The following ERVV-2 variants were observed in gnomAD, a reference collection of about 807,000 sequenced individuals.
The protein encoded by ERVV-2 is endogenous retrovirus group V member 2 Env polyprotein.
For missense variants in ERVV-2, 291 were observed against 495.1 expected, an observed-to-expected ratio of 0.59 and a Z score of 3.91; for synonymous variants, 105 against 184.6, an observed-to-expected ratio of 0.57 and a Z score of 3.49.
Position 53,050,904 on chromosome 19 carries a change from T to A in ERVV-2, c.*45T>A. The A allele has an allele frequency of 1.4e-6, 2 of 1,457,318 alleles. No individual in the cohort carries two copies. The highest frequency in any genetic ancestry group is 2.8e-5 in the South Asian group (2 of 70,376). 90.3% of individuals were successfully genotyped at this position (1,457,318 alleles called of 1,614,324 possible). A position where few individuals can be genotyped will look rare whatever the true frequency, so the allele number is the denominator to read the frequency against. ...ACCCTGATGACTTCTTCGCCCCATG[T>A]CAGCAGGAAGTAGTTACAGAAGACC... On this transcript the variant is annotated 3_prime_UTR_variant, in exon 2 of 2. Transcript: ENST00000601417.
intron 1 of ERVV-2, among the ~76,000 whole-genome samples, chr19:53,047,220 C>T (rs753506027): frequency 8.6e-5 from 13 of 151,528 alleles, no homozygotes; most frequent in Non-Finnish European, 1.6e-4. Context: ...TGGTGGTGGA[C>T]ACCAGTAATC....
rs1308946954 is a variant in ERVV-2 at position 53,047,177 on chromosome 19, C to T, written c.-385-1690C>T. ...CCATGTCAAAAAAAAAAAGAAACCC[C>T]GTCTCTACTAAAAATACAAAAATAG... On this transcript the variant is annotated intron_variant, in intron 1 of 1. Transcript: ENST00000601417. Among the ~76,000 whole-genome samples the T allele has an allele frequency of 1.7e-4, 25 of 151,384 alleles. 2 individuals carry two copies. The highest frequency in any genetic ancestry group is 7.3e-5 in the African/African-American group (3 of 41,148).
At chr19:53,048,330 G>A (rs576131083) in intron 1 of ERVV-2, among the ~76,000 whole-genome samples, 10 of 150,986 alleles carry the variant, frequency 6.6e-5, no homozygotes, top group Admixed American at 3.3e-4. Flanking sequence ...AGCTGAGATC[G>A]CACCATTGCA....
rs2083910773 is a variant in ERVV-2 at position 53,050,886 on chromosome 19, T to A, written c.*27T>A. On this transcript the variant is annotated 3_prime_UTR_variant, in exon 2 of 2. Transcript: ENST00000601417. ...ACAGAGCAAGAGAGGGAGACCCTGA[T>A]GACTTCTTCGCCCCATGTCAGCAGG... 6.7e-7 allele frequency: 1 copy of A among 1,485,344 alleles called. No individual in the cohort carries two copies. Among genetic ancestry groups the A allele is most frequent in the East Asian group, 2.5e-5 (1 of 40,664 alleles). 92.0% of individuals were successfully genotyped at this position (1,485,344 alleles called of 1,614,324 possible).
rs780858416 is a variant in ERVV-2, at chr19:53,049,779, C to T, written c.528C>T (p.Asp176=). The T allele has an allele frequency of 6.5e-6, 10 of 1,528,422 alleles. No individual in the cohort carries two copies. The South Asian group carries it at 1.1e-4, about 16-fold the overall frequency. The allele number at this position is 1,528,422 out of a possible 1,614,324, so 94.7% of individuals were successfully genotyped here. A position where few individuals can be genotyped will look rare whatever the true frequency, so the allele number is the denominator to read the frequency against. The part of the protein sequence containing the change: ...CPAKQMNDYR[D]KSPQNRCAAW... ...CTAAACAAATGAACGATTATCGAGA[C>T]AAGTCACCCCAAAACCGCTGTGCAG... The change falls in exon 2 of 2, where the codon GAC becomes GAT. Residue 176 remains aspartate, a synonymous_variant. Coordinates refer to ENST00000601417, the MANE Select transcript of ERVV-2 (RefSeq NM_001191055.2).
rs891408093 is a variant in ERVV-2, at chr19:53,051,220, C to T, written c.*361C>T. On this transcript the variant is annotated 3_prime_UTR_variant, in exon 2 of 2. Transcript: ENST00000601417. ...GGAGTACAATGGTGCGATCTCGGCT[C>T]ACTGCACCCTCCACCTCCCAGGTTC... The T allele has an allele frequency of 1.2e-5, 2 of 172,966 alleles. No individual in the cohort carries two copies. The highest frequency in any genetic ancestry group is 5.1e-5 in the African/African-American group (2 of 39,286). 10.7% of individuals were successfully genotyped at this position (172,966 alleles called of 1,614,324 possible). A position where few individuals can be genotyped will look rare whatever the true frequency, so the allele number is the denominator to read the frequency against.
At chr19:53,048,353 A>C (rs1457651366) in intron 1 of ERVV-2, among the ~76,000 whole-genome samples, 8 of 145,976 alleles carry the variant, frequency 5.5e-5, no homozygotes, top group Middle Eastern at 3.9e-3. Flanking sequence ...CCAGCCTGGG[A>C]GACAAGAGCA....
At chr19:53,047,749 CTT>C (rs984880531) in intron 1 of ERVV-2, among the ~76,000 whole-genome samples, 1 of 152,196 alleles carries the variant, frequency 6.6e-6, no homozygotes, top group Non-Finnish European at 1.5e-5. Context: ...TGCATTCTCT[CTT>C]GTCTTGTCTT....
chr19:53,051,552 G>A lies in ERVV-2; in HGVS notation c.*693G>A, dbSNP rs11673461. 0.29 allele frequency among the ~76,000 whole-genome samples: 44,514 copies of A among 151,882 alleles called. 6,525 individuals are homozygous for A. Among genetic ancestry groups the A allele is most frequent in the East Asian group, 0.34 (1,748 of 5,156 alleles). On this transcript the variant is annotated 3_prime_UTR_variant, in exon 2 of 2. Transcript: ENST00000601417. The stretch of plus-strand genomic sequence containing the variant: ...GTAGACACGTCCTTTTGATCAGCCC[G>A]CCCTGTTCTGTCTTTCTGGGTGTAC...
At chr19:53,047,461 T>C (rs909225752) in intron 1 of ERVV-2, among the ~76,000 whole-genome samples, 1 of 152,162 alleles carries the variant, frequency 6.6e-6, no homozygotes, top group Non-Finnish European at 1.5e-5. Flanking sequence ...AGAACTACTC[T>C]CATGGCAGAC....
rs972423594 is a variant in ERVV-2 at position 53,049,175 on chromosome 19, C to T, written c.-77C>T. Reference sequence around the variant, plus strand: ...CCTGATTTCTCACTAAACACTCCATCGAACCACTTCATTATTTGTCTCTCC... The same window carrying T: ...CCTGATTTCTCACTAAACACTCCATTGAACCACTTCATTATTTGTCTCTCC... On this transcript the variant is annotated 5_prime_UTR_variant, in exon 2 of 2. Coordinates refer to ENST00000601417, the MANE Select transcript of ERVV-2 (RefSeq NM_001191055.2). 22 of 1,156,308 alleles carry T rather than the reference C, an allele frequency of 1.9e-5. 2 individuals carry two copies. Among genetic ancestry groups the T allele is most frequent in the South Asian group, 2.8e-5 (2 of 70,426 alleles). 71.6% of individuals were successfully genotyped at this position (1,156,308 alleles called of 1,614,324 possible).
chr19:53,050,821 C>T lies in ERVV-2; in HGVS notation c.1570C>T (p.Gln524Ter), dbSNP rs760240165. Residue 524 changes from glutamine to a stop codon, truncating the protein, a stop_gained, in exon 2 of 2, where the codon CAA (glutamine) becomes TAA (stop). Transcript: ENST00000601417. LOFTEE classifies it high-confidence loss of function. Reference sequence around the variant, plus strand: ...CATCTCCCCCTTGGATGCCAGTGGGCAAAGATTCCGGGAAACTATGGAGGA... The same window carrying T: ...CATCTCCCCCTTGGATGCCAGTGGGTAAAGATTCCGGGAAACTATGGAGGA... ...KHISPLDASG[Q>*]RFRETMEEFS... 1.3e-6 allele frequency: 2 copies of T among 1,534,704 alleles called. No homozygotes were observed. Among genetic ancestry groups the T allele is most frequent in the South Asian group, 1.2e-5 (1 of 83,848 alleles).
At chr19:53,048,155 G>C (rs1242143640) in intron 1 of ERVV-2, among the ~76,000 whole-genome samples, 1 of 152,034 alleles carries the variant, frequency 6.6e-6, no homozygotes, top group African/African-American at 2.4e-5. Context: ...AGGTGACCAG[G>C]CTGGTCAGGA....
rs574205719 is a variant in ERVV-2 at position 53,048,638 on chromosome 19, G to A, written c.-385-229G>A. ...TGCGGTGAGCCGAGATCCCGCCATT[G>A]CACTCCAGCCTGGGCGACAAGAGCA... On this transcript the variant is annotated intron_variant, in intron 1 of 1. Transcript: ENST00000601417. 3.5e-3 allele frequency among the ~76,000 whole-genome samples: 472 copies of A among 133,598 alleles called. 2 individuals carry two copies. The highest frequency in any genetic ancestry group is 0.019 in the South Asian group (81 of 4,246). 87.6% of individuals were successfully genotyped at this position (133,598 alleles called of 152,430 possible).
chr19:53,045,225 A>C (rs955561171), intron 1 of ERVV-2, among the ~76,000 whole-genome samples: 2 of 152,106 alleles, frequency 1.3e-5, no homozygotes, highest in Non-Finnish European at 2.9e-5. Context: ...TCTGAGACAC[A>C]TGGTGACCCT....
In ERVV-2 at chr19:53,050,306, T is replaced by C; in HGVS notation, c.1055T>C (p.Leu352Pro). The change falls in exon 2 of 2, where the codon CTC becomes CCC. Residue 352 changes from leucine (L) to proline (P), a missense_variant. Coordinates refer to ENST00000601417, the MANE Select transcript of ERVV-2 (RefSeq NM_001191055.2). ...FTYHDVTLRN[L>P]SRQIDNIAKS... ...TATCATGATGTCACCCTCAGAAATCTCTCCAGACAAATAGACAACATAGCT... is the reference window on the plus strand; with the variant it reads ...TATCATGATGTCACCCTCAGAAATCCCTCCAGACAAATAGACAACATAGCT... The C allele has an allele frequency of 1.4e-6, 1 of 715,096 alleles. No homozygotes were observed. The highest frequency in any genetic ancestry group is 2.5e-6 in the Non-Finnish European group (1 of 398,072). The allele number at this position is 715,096 out of a possible 1,614,324, so 44.3% of individuals were successfully genotyped here.
In ERVV-2 at chr19:53,051,011, T is replaced by TAG; in HGVS notation, c.*152_*153insAG. 2.7e-6 allele frequency: 2 copies of TAG among 732,922 alleles called. No individual in the cohort carries two copies. Among genetic ancestry groups the TAG allele is most frequent in the Non-Finnish European group, 2.1e-6 (1 of 468,454 alleles). The allele number at this position is 732,922 out of a possible 1,614,324, so 45.4% of individuals were successfully genotyped here. ...ATTAGGGTAGGCAGGTAGGCAGGCA[T>TAG]GAGCAGGCAAGAGAGCCCTTGGGAA... On this transcript the variant is annotated 3_prime_UTR_variant, in exon 2 of 2. Transcript: ENST00000601417.
chr19:53,047,279 C>T (rs1199084296), intron 1 of ERVV-2, among the ~76,000 whole-genome samples: 2 of 152,070 alleles, frequency 1.3e-5, no homozygotes, highest in Non-Finnish European at 2.9e-5. Context: ...ACCCAGGAGG[C>T]GGAGGTTACC....
rs964419755 is a variant in ERVV-2 at position 53,044,872 on chromosome 19, G to T, written c.-472G>T. On this transcript the variant is annotated 5_prime_UTR_variant, in exon 1 of 2. Coordinates refer to ENST00000601417, the MANE Select transcript of ERVV-2 (RefSeq NM_001191055.2). ...CGCATCTCTTGACTGAATCCAAGAA[G>T]ACCAAGAACCAGAGGACTTCCACAC... The T allele has an allele frequency of 1.3e-5, 2 of 152,126 alleles. No individual in the cohort carries two copies. Among genetic ancestry groups the T allele is most frequent in the Non-Finnish European group, 2.9e-5 (2 of 68,046 alleles). The allele number at this position is 152,126 out of a possible 1,614,324, so 9.4% of individuals were successfully genotyped here. A position where few individuals can be genotyped will look rare whatever the true frequency, so the allele number is the denominator to read the frequency against.
Sources: gnomAD v4.1 joint callset for allele counts (sites outside exome capture counted in the v4.1 genomes callset) on GRCh38, gnomAD v4.1.1 for gene constraint, MANE v1.5 for transcripts, NCBI Gene and HGNC (gene_info 2026-07-23, HGNC 2026-07-21) for gene names.